The following RNPC3 variants were observed in gnomAD, a reference collection of about 807,000 sequenced individuals.
RNPC3 encodes the protein RNA binding region (RNP1, RRM) containing 3, also known as RNA-binding region-containing protein 3.
In RNPC3, 48 loss-of-function variants were observed where a neutral mutation model predicts 67.5. That is an observed-to-expected ratio of 0.71 (90% CI 0.56 to 0.90). The LOEUF (loss-of-function observed/expected upper bound fraction) is 0.90. Ranked by LOEUF, RNPC3 falls within the 40% of genes least tolerant of loss-of-function variation. The pLI is 0.00. For synonymous variants in RNPC3, 239 were observed against 210.3 expected, an observed-to-expected ratio of 1.14 and a Z score of -1.18; for missense variants, 637 against 626.1, an observed-to-expected ratio of 1.02 and a Z score of -0.19.
chr1:103,547,009 CTT>C lies in RNPC3; in HGVS notation c.1338_1339del (p.Ser447IlefsTer9). The C allele has an allele frequency of 1.3e-6, 2 of 1,498,538 alleles. No individual in the cohort carries two copies. Among genetic ancestry groups the C allele is most frequent in the Non-Finnish European group, 1.8e-6 (2 of 1,118,438 alleles). 92.8% of individuals were successfully genotyped at this position (1,498,538 alleles called of 1,614,324 possible). A position where few individuals can be genotyped will look rare whatever the true frequency, so the allele number is the denominator to read the frequency against. Reference sequence around the variant, plus strand: ...AATATATTTTTGGAAGATATGTTGACTTTTCATCAGAAACACAGCGGATCATG... The same window carrying C: ...AATATATTTTTGGAAGATATGTTGACTTCATCAGAAACACAGCGGATCATG... ...LKYIFGRYVD[F>X]SSETQRIMFD... On this transcript the variant is annotated frameshift_variant, in exon 12 of 15. Transcript: ENST00000423855. LOFTEE classifies it high-confidence loss of function.
chr1:103,542,205 A>G (rs1651139155), intron 8 of RNPC3, among the ~76,000 whole-genome samples: 1 of 152,062 alleles, frequency 6.6e-6, no homozygotes, highest in South Asian at 2.1e-4. Context: ...GTTGTGAGAA[A>G]AGAGAGGTCA....
intron 13 of RNPC3, 81 bp downstream of exon 13, chr1:103,551,154 A>G (rs1007371914): frequency 3.2e-6 from 4 of 1,247,990 alleles, no homozygotes; most frequent in Non-Finnish European, 4.4e-6. Context: ...GTTACCCTTT[A>G]GAAATTTCCA....
chr1:103,540,491 T>C (rs1651099982), intron 7 of RNPC3, among the ~76,000 whole-genome samples: 1 of 152,214 alleles, frequency 6.6e-6, no homozygotes, highest in South Asian at 2.1e-4. Flanking sequence ...AATTTATAAA[T>C]ATGGACATAT....
At chr1:103,546,938 C>T in intron 11 of RNPC3, 39 bp from the exon 12 acceptor site, 1 of 1,086,844 alleles carries the variant, frequency 9.2e-7, no homozygotes. Context: ...TTTTTTTCCC[C>T]TGGCTTTGTT....
At chr1:103,550,046 C>G (rs898784528) in intron 12 of RNPC3, among the ~76,000 whole-genome samples, 3 of 151,794 alleles carry the variant, frequency 2.0e-5, no homozygotes, top group Non-Finnish European at 4.4e-5. Flanking sequence ...CGGCTGTAAT[C>G]CCAGCTACCC....
chr1:103,541,112 T>G (rs914463345), intron 7 of RNPC3, among the ~76,000 whole-genome samples: 4 of 152,136 alleles, frequency 2.6e-5, no homozygotes, highest in African/African-American at 9.7e-5. Context: ...AATATGTAAT[T>G]AAGTCTATTT....
At chr1:103,548,697 GTTCCAAAGTTGC>G (rs1047060158) in intron 12 of RNPC3, among the ~76,000 whole-genome samples, 1 of 141,364 alleles carries the variant, frequency 7.1e-6, no homozygotes, top group Non-Finnish European at 1.5e-5. Context: ...CTGTTACCCA[GTTCCAAAGTTGC>G]TTCCACATTT....
At chr1:103,531,884 T>C (rs952102626) in intron 2 of RNPC3, among the ~76,000 whole-genome samples, 10 of 152,202 alleles carry the variant, frequency 6.6e-5, no homozygotes, top group Admixed American at 1.3e-4. Flanking sequence ...TTTGGGTTCT[T>C]GGTCATGACG....
At chr1:103,539,899 T>G (rs1294559006) in intron 7 of RNPC3, among the ~76,000 whole-genome samples, 2 of 152,180 alleles carry the variant, frequency 1.3e-5, no homozygotes, top group Non-Finnish European at 2.9e-5. Context: ...GTCTTACTCT[T>G]TCGCCCTAAC....
chr1:103,527,688 G>A lies in RNPC3; in HGVS notation c.193-7G>A, dbSNP rs1331020417. The A allele has an allele frequency of 6.5e-7, 1 of 1,545,596 alleles. No homozygotes were observed. The highest frequency in any genetic ancestry group is 8.8e-7 in the Non-Finnish European group (1 of 1,142,662). On this transcript the variant is annotated splice_polypyrimidine_tract_variant and splice_region_variant and intron_variant, in intron 1 of 14. Transcript: ENST00000423855. ...TGGAAGTAATTTGTACCTTAACTCT[G>A]TTTCAGAAACATACAGCTTTTGCCA...
chr1:103,546,112 G>T, intron 10 of RNPC3, 136 bp from the exon 11 acceptor site: 1 of 417,774 alleles, frequency 2.4e-6, no homozygotes, highest in Non-Finnish European at 4.2e-6. Context: ...TTCATTTTAT[G>T]TTAAAGTGAA....
chr1:103,538,454 T>C (rs1651047117), intron 7 of RNPC3, among the ~76,000 whole-genome samples: 1 of 152,200 alleles, frequency 6.6e-6, no homozygotes. Context: ...ATACATGGCT[T>C]TCCTTCAGGC....
chr1:103,543,274 T>C, intron 8 of RNPC3, 22 bp from the exon 9 acceptor site: 1 of 1,380,234 alleles, frequency 7.2e-7, no homozygotes, highest in Non-Finnish European at 9.4e-7. Context: ...TACAAACTAA[T>C]GCTATGATTG....
At chr1:103,554,459 A>C (rs1227698151) in intron 14 of RNPC3, 1 of 152,548 alleles carries the variant, frequency 6.6e-6, no homozygotes, top group Admixed American at 6.6e-5. Flanking sequence ...AACCTCTCAA[A>C]CTGATTTTAA....
rs578116721 is a variant in RNPC3, at chr1:103,526,354, G to A, written c.192+92G>A. ...TGACAAGAGTAAAATGGAAACGAGT[G>A]GGGAAGATGGACTTGTGTGATGAGA... On this transcript the variant is annotated intron_variant, in intron 1 of 14. Coordinates refer to ENST00000423855, the MANE Select transcript of RNPC3 (RefSeq NM_017619.4). 2,683 of 1,058,254 alleles carry A rather than the reference G, an allele frequency of 2.5e-3. 9 individuals carry two copies. The highest frequency in any genetic ancestry group is 3.2e-3 in the Non-Finnish European group (2,417 of 744,692). 65.6% of individuals were successfully genotyped at this position (1,058,254 alleles called of 1,614,324 possible). A position where few individuals can be genotyped will look rare whatever the true frequency, so the allele number is the denominator to read the frequency against.
intron 11 of RNPC3, 144 bp from the exon 12 acceptor site, chr1:103,546,833 T>G: frequency 1.9e-6 from 1 of 521,006 alleles, no homozygotes; most frequent in Non-Finnish European, 3.3e-6. Context: ...AAATTTCCCC[T>G]TTTGAAAGGC....
At chr1:103,548,518 A>G (rs1370000894) in intron 12 of RNPC3, among the ~76,000 whole-genome samples, 1 of 152,162 alleles carries the variant, frequency 6.6e-6, no homozygotes, top group Non-Finnish European at 1.5e-5. Flanking sequence ...CCTTTGCTCC[A>G]GTTCCCAACA....
In RNPC3 at chr1:103,541,463, G is replaced by C; in HGVS notation, c.881G>C (p.Cys294Ser). The change falls in exon 8 of 15, where the codon TGT (cysteine) becomes TCT (serine). Residue 294 changes from cysteine (C) to serine (S), a missense_variant. Physicochemically the swap from Cys to Ser is moderately radical, Grantham distance 112 (BLOSUM62 -1). Transcript: ENST00000423855. ...KIKDMLNTPL[C>S]PSHSSLHPVL... ...AAGGATATGTTGAATACACCTTTGTGTCCTTCACACAGGTAATTTTATTTG... is the reference window on the plus strand; with the variant it reads ...AAGGATATGTTGAATACACCTTTGTCTCCTTCACACAGGTAATTTTATTTG... 6.7e-7 allele frequency: 1 copy of C among 1,495,128 alleles called. No individual in the cohort carries two copies. The highest frequency in any genetic ancestry group is 8.8e-7 in the Non-Finnish European group (1 of 1,131,660). 92.6% of individuals were successfully genotyped at this position (1,495,128 alleles called of 1,614,324 possible). A position where few individuals can be genotyped will look rare whatever the true frequency, so the allele number is the denominator to read the frequency against.
chr1:103,525,825 T>G lies in RNPC3; in HGVS notation c.-246T>G, dbSNP rs1650683029. ...ACATCTCTGGGCCAATTTTTGCTTGTAAGTCTTTCCGGAGACCCCTGGAAT... is the reference window on the plus strand; with the variant it reads ...ACATCTCTGGGCCAATTTTTGCTTGGAAGTCTTTCCGGAGACCCCTGGAAT... On this transcript the variant is annotated 5_prime_UTR_variant, in exon 1 of 15. Transcript: ENST00000423855. 1 of 440,564 alleles carries G rather than the reference T, an allele frequency of 2.3e-6. No homozygotes were observed. The highest frequency in any genetic ancestry group is 3.5e-5 in the South Asian group (1 of 28,980). The allele number at this position is 440,564 out of a possible 1,614,324, so 27.3% of individuals were successfully genotyped here. A position where few individuals can be genotyped will look rare whatever the true frequency, so the allele number is the denominator to read the frequency against.
Sources: gnomAD v4.1 joint callset for allele counts (sites outside exome capture counted in the v4.1 genomes callset) on GRCh38, gnomAD v4.1.1 for gene constraint, MANE v1.5 for transcripts, NCBI Gene and HGNC (gene_info 2026-07-23, HGNC 2026-07-21) for gene names.